RYR2: variants seen among roughly 807,000 people sequenced by gnomAD.
RYR2 encodes ryanodine receptor 2.
RYR2 carries 227 observed loss-of-function variants against 601.1 expected under a neutral mutation model. That is an observed-to-expected ratio of 0.38 (90% confidence interval 0.34 to 0.42). The LOEUF (loss-of-function observed/expected upper bound fraction) is 0.42. RYR2 is among the 10% of genes least tolerant of loss of function. RYR2 has a pLI of 1.00. For synonymous variants in RYR2, 2,223 were observed against 2,175.1 expected (o/e 1.02, Z -0.61); for missense variants, 4,646 against 6,156.5 (o/e 0.75, Z 8.21).
chr1:237,386,109 G>A (rs1037128555), intron 8 of RYR2, among the ~76,000 whole-genome samples: 18 of 152,176 alleles, frequency 1.2e-4, no homozygotes, highest in African/African-American at 3.6e-4. Flanking sequence ...AAAGCAGGCA[G>A]CTAGTTGAGG....
chr1:237,100,910 C>G (rs999104202), intron 1 of RYR2, among the ~76,000 whole-genome samples: 2 of 152,084 alleles, frequency 1.3e-5, no homozygotes, highest in Non-Finnish European at 2.9e-5. Flanking sequence ...TGTCCCGGCC[C>G]CAGAGCCTGT....
At chr1:237,806,694 C>T (rs934023322) in intron 99 of RYR2, among the ~76,000 whole-genome samples, 4 of 152,064 alleles carry the variant, frequency 2.6e-5, no homozygotes, top group African/African-American at 4.8e-5. Context: ...TCATTGTATT[C>T]GTTGTAAAAT....
intron 1 of RYR2, among the ~76,000 whole-genome samples, chr1:237,151,888 T>A (rs892916422): frequency 1.3e-5 from 2 of 152,200 alleles, no homozygotes; most frequent in East Asian, 3.9e-4. Context: ...ATGTGCAGAA[T>A]GTGCAGGTTT....
intron 12 of RYR2, among the ~76,000 whole-genome samples, chr1:237,427,782 C>CAAAAAAA (rs57614793): frequency 8.9e-5 from 5 of 56,218 alleles, no homozygotes; most frequent in Non-Finnish European, 9.3e-5. Context: ...GACTCTGCCT[C>CAAAAAAA]AAAAAAAAAA....
At chr1:237,213,829 C>T (rs1039194312) in intron 1 of RYR2, among the ~76,000 whole-genome samples, 8 of 150,784 alleles carry the variant, frequency 5.3e-5, no homozygotes, top group Non-Finnish European at 4.4e-5. Flanking sequence ...TTTATTCTGG[C>T]AAAGGATAGG....
rs561970214 is a variant in RYR2, at chr1:237,709,409, G to A, written c.10143-71G>A. On this transcript the variant is annotated intron_variant, in intron 69 of 104. Transcript: ENST00000366574. Reference sequence around the variant, plus strand: ...GTGGTCAGTACATTTAACTTTGGGGGGATGGTTTTTTTTTTTTAAATTAAC... The same window carrying A: ...GTGGTCAGTACATTTAACTTTGGGGAGATGGTTTTTTTTTTTTAAATTAAC... 5 of 909,160 alleles carry A rather than the reference G, an allele frequency of 5.5e-6. No individual in the cohort carries two copies. The South Asian group carries it at 7.4e-5, about 13-fold the overall frequency. 56.3% of individuals were successfully genotyped at this position (909,160 alleles called of 1,614,324 possible).
intron 1 of RYR2, among the ~76,000 whole-genome samples, chr1:237,253,093 G>C (rs1232794363): frequency 6.7e-6 from 1 of 149,840 alleles, no homozygotes; most frequent in Non-Finnish European, 1.5e-5. Flanking sequence ...TGTACCCGGA[G>C]AGGGAGATTG....
At chr1:237,609,698 G>A (rs1025492120) in intron 35 of RYR2, among the ~76,000 whole-genome samples, 4 of 152,088 alleles carry the variant, frequency 2.6e-5, no homozygotes, top group African/African-American at 9.6e-5. Flanking sequence ...TCTCAATGAT[G>A]CCCATTCTGA....
Position 237,787,147 on chromosome 1 carries a change from T to C in RYR2, c.13329-841T>C, listed in dbSNP as rs930737383. On this transcript the variant is annotated intron_variant, in intron 91 of 104. Transcript: ENST00000366574. ...AATTCCATTATTGTTGGAATTAATA[T>C]ATCATTACTATAATTCACTTTATTT... Among the ~76,000 whole-genome samples the C allele has an allele frequency of 2.0e-5, 3 of 151,988 alleles. No individual in the cohort carries two copies. The East Asian group carries it at 5.8e-4, about 29-fold the overall frequency.
intron 24 of RYR2, among the ~76,000 whole-genome samples, chr1:237,529,285 T>C (rs930198278): frequency 6.6e-6 from 1 of 152,210 alleles, no homozygotes; most frequent in African/African-American, 2.4e-5. Flanking sequence ...CAATCAGCTC[T>C]TGGTCTTCCC....
Position 237,742,302 on chromosome 1 carries a change from C to A in RYR2, c.11098C>A (p.His3700Asn). Residue 3700 changes from histidine to asparagine, a missense_variant, in exon 80 of 105, where the codon CAT (histidine) becomes AAT (asparagine). This residue lies in a region of RYR2 where 1,497 missense variants were observed against 1,842.6 expected (regional missense o/e 0.81). Transcript: ENST00000366574. ...TTTTTTTTTAAATATACAGAGTTGTCATGATGAGGAAGATGACGATGGTGA... is the reference window on the plus strand; with the variant it reads ...TTTTTTTTTAAATATACAGAGTTGTAATGATGAGGAAGATGACGATGGTGA... ...AYADIMAKSCHDEEDDDGEEE... is the reference protein window; with the variant it reads ...AYADIMAKSCNDEEDDDGEEE... The A allele has an allele frequency of 6.5e-7, 1 of 1,531,204 alleles. No individual in the cohort carries two copies. The highest frequency in any genetic ancestry group is 8.8e-7 in the Non-Finnish European group (1 of 1,130,132). The allele number at this position is 1,531,204 out of a possible 1,614,324, so 94.9% of individuals were successfully genotyped here.
At chr1:237,649,312 T>C (rs1407256708) in intron 49 of RYR2, among the ~76,000 whole-genome samples, 1 of 152,214 alleles carries the variant, frequency 6.6e-6, no homozygotes, top group Non-Finnish European at 1.5e-5. Context: ...ATGAAATATA[T>C]GAGAGCAGAA....
intron 99 of RYR2, 63 bp from the exon 100 acceptor site, chr1:237,808,838 T>G: frequency 6.5e-7 from 1 of 1,534,894 alleles, no homozygotes; most frequent in South Asian, 1.1e-5. Context: ...CCCATGTAGA[T>G]GTCACGTGTC....
intron 80 of RYR2, among the ~76,000 whole-genome samples, chr1:237,744,349 T>TAAAAAAA (rs752916603): frequency 0.21 from 29,160 of 139,750 alleles, 3,152 homozygotes; most frequent in Non-Finnish European, 0.25. Context: ...TTTGTTTGTT[T>TAAAAAAA]AAAAAAAAAA....
At chr1:237,345,051 C>T (rs987405821) in intron 3 of RYR2, among the ~76,000 whole-genome samples, 6 of 152,184 alleles carry the variant, frequency 3.9e-5, no homozygotes, top group South Asian at 4.1e-4. Context: ...CCTCGTGATC[C>T]GCCCACTTCG....
chr1:237,321,212 C>G (rs1251004239), intron 2 of RYR2, among the ~76,000 whole-genome samples: 3 of 137,836 alleles, frequency 2.2e-5, no homozygotes, highest in Admixed American at 7.2e-5. Context: ...GGACCTAGCA[C>G]AAAGAGGACC....
rs1484641014 is a variant in RYR2 at position 237,184,226 on chromosome 1, G to A, written c.49-86271G>A. Reference sequence around the variant, plus strand: ...CAAGACTGAGTGTGGCTGCAAAGAAGGATGTTGGTTCCCAGGAGCAGAGGA... The same window carrying A: ...CAAGACTGAGTGTGGCTGCAAAGAAAGATGTTGGTTCCCAGGAGCAGAGGA... On this transcript the variant is annotated intron_variant, in intron 1 of 104. Coordinates refer to ENST00000366574, the MANE Select transcript of RYR2 (RefSeq NM_001035.3). 1.2e-4 allele frequency among the ~76,000 whole-genome samples: 19 copies of A among 152,056 alleles called. 1 individual carries two copies. Among genetic ancestry groups the A allele is most frequent in the Admixed American group, 1.2e-3 (19 of 15,272 alleles).
At chr1:237,294,669 A>C (rs1490216382) in intron 2 of RYR2, among the ~76,000 whole-genome samples, 1 of 152,208 alleles carries the variant, frequency 6.6e-6, no homozygotes. Context: ...GTATGCACAC[A>C]CGCATATACA....
At chr1:237,791,604 C>A in intron 93 of RYR2, 89 bp downstream of exon 93, 3 of 725,196 alleles carry the variant, frequency 4.1e-6, no homozygotes, top group South Asian at 1.6e-5. Context: ...TCTACTACTG[C>A]TAGTGAACAT....
Sources: allele counts gnomAD v4.1 joint callset (sites outside exome capture counted in the v4.1 genomes callset), GRCh38; gene constraint gnomAD v4.1.1; regional missense constraint gnomAD v4.1.1; transcripts MANE v1.5; gene names NCBI Gene and HGNC (gene_info 2026-07-23, HGNC 2026-07-21).